Variants in C12orf50 observed in about 807,000 individuals in gnomAD.
C12orf50 encodes zinc finger CCCH-type containing 11D.
In C12orf50, 35 loss-of-function variants were observed where a neutral mutation model predicts 61.6. That is an observed-to-expected ratio of 0.57 (90% CI 0.43 to 0.75). The LOEUF (loss-of-function observed/expected upper bound fraction) is 0.75. Ranked by LOEUF, C12orf50 falls within the 30% of genes least tolerant of loss-of-function variation. The pLI, the probability that C12orf50 is intolerant of heterozygous loss-of-function variation, is 0.00. For missense variants in C12orf50, 475 were observed against 488.5 expected, an observed-to-expected ratio of 0.97 and a Z score of 0.26; for synonymous variants, 178 against 161.5, an observed-to-expected ratio of 1.10 and a Z score of -0.77.
chr12:88,000,737 A>G (rs2031621035), intron 3 of C12orf50, among the ~76,000 whole-genome samples: 1 of 151,712 alleles, frequency 6.6e-6, no homozygotes, highest in South Asian at 2.1e-4. Flanking sequence ...TTTCGAATAT[A>G]AACTTTGCAC....
intron 11 of C12orf50, 88 bp downstream of exon 11, chr12:87,985,762 T>C: frequency 7.8e-7 from 1 of 1,278,118 alleles, no homozygotes; most frequent in Non-Finnish European, 1.1e-6. Flanking sequence ...GGGGAGTAAG[T>C]AGTAGTGAAG....
chr12:87,990,143 A>G (rs992269572), intron 7 of C12orf50, among the ~76,000 whole-genome samples: 1 of 152,186 alleles, frequency 6.6e-6, no homozygotes, highest in Non-Finnish European at 1.5e-5. Context: ...AAATTAAAGA[A>G]AAGCCACTAT....
rs1283783934 is a variant in C12orf50, at chr12:87,980,141, T to C, written c.*190A>G. The C allele has an allele frequency of 1.1e-5, 6 of 568,312 alleles. No individual in the cohort carries two copies. The highest frequency in any genetic ancestry group is 1.9e-5 in the African/African-American group (1 of 52,588). The allele number at this position is 568,312 out of a possible 1,614,324, so 35.2% of individuals were successfully genotyped here. A position where few individuals can be genotyped will look rare whatever the true frequency, so the allele number is the denominator to read the frequency against. On this transcript the variant is annotated 3_prime_UTR_variant, in exon 13 of 13. Transcript: ENST00000298699. ...GGCAGCTGTTGGTAATTTGCATTTT[T>C]ATCAGTTTTGAAAGAGCACAATGTA...
chr12:87,997,737 T>A (rs1028299453), intron 4 of C12orf50, among the ~76,000 whole-genome samples: 1 of 152,182 alleles, frequency 6.6e-6, no homozygotes, highest in Non-Finnish European at 1.5e-5. Flanking sequence ...GCAAAGGACA[T>A]GAACTCATCC....
At chr12:88,010,396 ATCTTATAATAAGATTATAAGATTAAAAT>A (rs2032052521) in intron 3 of C12orf50, among the ~76,000 whole-genome samples, 1 of 117,252 alleles carries the variant, frequency 8.5e-6, no homozygotes, top group African/African-American at 6.1e-5. Flanking sequence ...AATTATTATA[ATCTTATAATAAGATTATAAGATTAAAAT>A]TATTATAATC....
chr12:88,005,933 T>C (rs2031854111), intron 3 of C12orf50, among the ~76,000 whole-genome samples: 1 of 147,306 alleles, frequency 6.8e-6, no homozygotes, highest in Non-Finnish European at 1.5e-5. Context: ...TTTTTTTTTT[T>C]TGAGACGGAG....
chr12:88,001,886 C>G (rs1424573284), intron 3 of C12orf50, among the ~76,000 whole-genome samples: 2 of 150,728 alleles, frequency 1.3e-5, no homozygotes, highest in Admixed American at 1.3e-4. Context: ...CTCTTTTTTT[C>G]TTGGTCAGTC....
At chr12:88,002,898 A>T (rs1431647106) in intron 3 of C12orf50, among the ~76,000 whole-genome samples, 1 of 151,628 alleles carries the variant, frequency 6.6e-6, no homozygotes, top group Non-Finnish European at 1.5e-5. Flanking sequence ...AATCTATTTC[A>T]CTTTTATACT....
intron 11 of C12orf50, 49 bp from the exon 12 acceptor site, chr12:87,983,244 A>C: frequency 8.0e-7 from 1 of 1,248,788 alleles, no homozygotes; most frequent in Non-Finnish European, 1.1e-6. Context: ...TTAAAATCAT[A>C]TTCCAAGGGT....
chr12:87,994,512 C>A (rs1254140994), intron 7 of C12orf50, 121 bp downstream of exon 7: 1 of 734,302 alleles, frequency 1.4e-6, no homozygotes, highest in Non-Finnish European at 2.2e-6. Flanking sequence ...TGATATACCT[C>A]CAAACTCTTG....
At chr12:88,015,287 A>T (rs1237860971) in intron 3 of C12orf50, among the ~76,000 whole-genome samples, 1 of 152,234 alleles carries the variant, frequency 6.6e-6, no homozygotes, top group Admixed American at 6.5e-5. Context: ...TAAATTATTT[A>T]AAAACAATTT....
At chr12:87,996,536 T>C (rs1340630700) in intron 5 of C12orf50, 33 bp downstream of exon 5, 1 of 1,590,834 alleles carries the variant, frequency 6.3e-7, no homozygotes, top group African/African-American at 1.3e-5. Flanking sequence ...TCACATCAAG[T>C]ATTAGAAAAT....
intron 6 of C12orf50, among the ~76,000 whole-genome samples, chr12:87,995,083 T>C (rs2031320788): frequency 6.6e-6 from 1 of 152,168 alleles, no homozygotes; most frequent in Admixed American, 6.6e-5. Context: ...CTGTTCACCA[T>C]GAACAATCAG....
In C12orf50 at chr12:88,008,069, ATCTTT is replaced by A. The variant is rs573740166; in HGVS notation, c.134-9884_134-9880del. 9.4e-3 allele frequency among the ~76,000 whole-genome samples: 1,419 copies of A among 151,140 alleles called. 26 individuals carry two copies. Among genetic ancestry groups the A allele is most frequent in the African/African-American group, 0.033 (1,350 of 41,282 alleles). The stretch of plus-strand genomic sequence containing the variant: ...TTAAACAGCAATAGCTTTTTTTTTT[ATCTTT>A]TCTTTTCAGTTCAGGGGTACACGTG... On this transcript the variant is annotated intron_variant, in intron 3 of 12. Transcript: ENST00000298699.
chr12:87,994,503 G>T, intron 7 of C12orf50, 130 bp downstream of exon 7: 1 of 675,232 alleles, frequency 1.5e-6, no homozygotes, highest in Non-Finnish European at 2.5e-6. Flanking sequence ...CTGATTTTGT[G>T]ATATACCTCC....
chr12:87,987,920 T>A lies in C12orf50; in HGVS notation c.747A>T (p.Leu249=). The A allele has an allele frequency of 6.2e-7, 1 of 1,611,880 alleles. No individual in the cohort carries two copies. The highest frequency in any genetic ancestry group is 1.3e-5 in the African/African-American group (1 of 74,930). The change falls in exon 9 of 13, where the codon CTA becomes CTT. Residue 249 remains leucine, a synonymous_variant. Coordinates refer to ENST00000298699, the MANE Select transcript of C12orf50 (RefSeq NM_152589.3). ...CATTTAATACATGCGTTGTAGGTAC[T>A]AGTCGGGTAGTTAGGGAATGCTTTG... ...PHPKHSLTTR[L]VPTTHVLNAT...
At chr12:87,989,428 T>C (rs2031014661) in intron 7 of C12orf50, 57 bp from the exon 8 acceptor site, 1 of 1,256,544 alleles carries the variant, frequency 8.0e-7, no homozygotes, top group Admixed American at 1.8e-5. Flanking sequence ...ACAAACTAGC[T>C]TTCAATACAG....
Position 88,008,286 on chromosome 12 carries a change from G to A in C12orf50, c.134-10096C>T, listed in dbSNP as rs549615432. Among the ~76,000 whole-genome samples the A allele has an allele frequency of 1.6e-3, 236 of 152,056 alleles. 1 individual carries two copies. The highest frequency in any genetic ancestry group is 3.4e-3 in the Middle Eastern group (1 of 294). The stretch of plus-strand genomic sequence containing the variant: ...ATGTGTCCATTTTTCTCATCATTTA[G>A]CTCCCATTTGTAAGTCAGAACATGC... On this transcript the variant is annotated intron_variant, in intron 3 of 12. Transcript: ENST00000298699.
chr12:87,984,537 A>G (rs1482799477), intron 11 of C12orf50: 1 of 152,154 alleles, frequency 6.6e-6, no homozygotes, highest in African/African-American at 2.4e-5. Context: ...GTTCGCAGTA[A>G]TTGGTGTGAT....
Sources: gnomAD v4.1 joint callset for allele counts (sites outside exome capture counted in the v4.1 genomes callset) on GRCh38, gnomAD v4.1.1 for gene constraint, MANE v1.5 for transcripts, NCBI Gene and HGNC (gene_info 2026-07-23, HGNC 2026-07-21) for gene names.